SPECC1L: variants seen among roughly 807,000 people sequenced by gnomAD.
SPECC1L encodes cytospin-A.
Under a neutral mutation model 116.8 loss-of-function variants are expected in SPECC1L, and 40 were observed. The ratio of observed to expected loss-of-function variants is 0.34; its 90% CI spans 0.27 to 0.45. The LOEUF (loss-of-function observed/expected upper bound fraction) is 0.45. SPECC1L is among the 20% of genes least tolerant of loss of function. The pLI is 1.00. For synonymous variants in SPECC1L, 504 were observed against 500.6 expected (o/e 1.01, Z -0.09); for missense variants, 1,110 against 1,373.6 (o/e 0.81, Z 3.03).
intron 4 of SPECC1L, among the ~76,000 whole-genome samples, chr22:24,317,178 A>C (rs1446633642): frequency 6.8e-5 from 5 of 74,042 alleles, no homozygotes; most frequent in East Asian, 4.8e-4. Flanking sequence ...CTGGCTGGGC[A>C]GAGGGGCTCC....
chr22:24,381,375 A>G (rs551178909), intron 14 of SPECC1L, among the ~76,000 whole-genome samples: 2 of 152,376 alleles, frequency 1.3e-5, no homozygotes, highest in East Asian at 3.9e-4. Context: ...AAAATATTTT[A>G]GTGCTGCCTG....
chr22:24,320,288 C>CA (rs1423723865), intron 4 of SPECC1L, among the ~76,000 whole-genome samples: 2 of 151,746 alleles, frequency 1.3e-5, no homozygotes, highest in Admixed American at 6.6e-5. Context: ...CAAAAAAAAC[C>CA]AAAAAAACGA....
At chr22:24,404,683 C>G (rs1291168527) in intron 14 of SPECC1L, among the ~76,000 whole-genome samples, 2 of 152,198 alleles carry the variant, frequency 1.3e-5, no homozygotes, top group Non-Finnish European at 2.9e-5. Flanking sequence ...CTGCTCCTGG[C>G]TGTTCTGACC....
intron 14 of SPECC1L, among the ~76,000 whole-genome samples, chr22:24,377,921 A>G (rs1411109503): frequency 2.0e-5 from 3 of 152,236 alleles, no homozygotes; most frequent in Non-Finnish European, 4.4e-5. Flanking sequence ...GTAAATGAGC[A>G]TTGGCTTCCA....
chr22:24,388,295 A>G (rs1451447285), intron 14 of SPECC1L, among the ~76,000 whole-genome samples: 2 of 127,302 alleles, frequency 1.6e-5, no homozygotes, highest in Non-Finnish European at 3.1e-5. Flanking sequence ...ATGTGTTCTC[A>G]TTGTTCAATT....
intron 14 of SPECC1L, among the ~76,000 whole-genome samples, chr22:24,375,970 C>A (rs571561333): frequency 9.8e-4 from 147 of 150,484 alleles, no homozygotes; most frequent in Middle Eastern, 3.4e-3. Context: ...AACAAACAAA[C>A]AAAAAAAACA....
chr22:24,384,024 C>G (rs1203058102), intron 14 of SPECC1L, among the ~76,000 whole-genome samples: 3 of 151,286 alleles, frequency 2.0e-5, no homozygotes, highest in Non-Finnish European at 4.4e-5. Context: ...TTCACAACCA[C>G]TGAACACAGA....
At chr22:24,390,729 T>C (rs1270090423) in intron 14 of SPECC1L, among the ~76,000 whole-genome samples, 1 of 152,122 alleles carries the variant, frequency 6.6e-6, no homozygotes, top group Admixed American at 6.6e-5. Context: ...AATCATTTTC[T>C]GTCCTGATGA....
At chr22:24,403,704 G>A (rs1454385200) in intron 14 of SPECC1L, among the ~76,000 whole-genome samples, 1 of 152,192 alleles carries the variant, frequency 6.6e-6, no homozygotes, top group African/African-American at 2.4e-5. Context: ...CACTGAAAAC[G>A]CCACTTTTAC....
At chr22:24,332,355 G>A (rs1332998861) in intron 8 of SPECC1L, among the ~76,000 whole-genome samples, 3 of 152,176 alleles carry the variant, frequency 2.0e-5, no homozygotes, top group African/African-American at 7.2e-5. Context: ...CTAATTCAGT[G>A]AACCAGTATT....
chr22:24,274,357 C>CTCT (rs2048789495), intron 1 of SPECC1L, among the ~76,000 whole-genome samples: 1 of 152,156 alleles, frequency 6.6e-6, no homozygotes, highest in Non-Finnish European at 1.5e-5. Flanking sequence ...ATTTATAGTG[C>CTCT]TCTTCTATTA....
chr22:24,284,230 T>C (rs2048999261), intron 2 of SPECC1L, among the ~76,000 whole-genome samples: 1 of 152,136 alleles, frequency 6.6e-6, no homozygotes, highest in African/African-American at 2.4e-5. Context: ...TTTACTGCTT[T>C]AAGTTTTTAA....
chr22:24,390,836 T>G (rs1217004283), intron 14 of SPECC1L, among the ~76,000 whole-genome samples: 1 of 146,832 alleles, frequency 6.8e-6, no homozygotes, highest in Non-Finnish European at 1.5e-5. Context: ...TCAGGGCTCT[T>G]CTTGGGCCTG....
At chr22:24,288,800 A>G (rs1393151963) in intron 2 of SPECC1L, among the ~76,000 whole-genome samples, 1 of 151,502 alleles carries the variant, frequency 6.6e-6, no homozygotes, top group East Asian at 1.9e-4. Flanking sequence ...TAATTTTTGT[A>G]CTTTTAGTAG....
At chr22:24,340,347 A>G (rs1231622618) in intron 10 of SPECC1L, among the ~76,000 whole-genome samples, 1 of 151,912 alleles carries the variant, frequency 6.6e-6, no homozygotes, top group Non-Finnish European at 1.5e-5. Context: ...GGTTTTAACC[A>G]CGTTGGCCAA....
chr22:24,272,884 A>G (rs2048757714), intron 1 of SPECC1L, among the ~76,000 whole-genome samples: 1 of 151,850 alleles, frequency 6.6e-6, no homozygotes, highest in African/African-American at 2.4e-5. Flanking sequence ...GACTTTTTTG[A>G]TAGCTGGAGA....
At position 24,321,964 on chromosome 22, in the gene SPECC1L, G is replaced by A; in HGVS notation, c.984G>A (p.Gln328=). The change falls in exon 5 of 17, where the codon CAG becomes CAA. Residue 328 remains glutamine, a synonymous_variant. Transcript: ENST00000314328. ...GCTCAGTGGAGGATCTCTTGAGTCA[G>A]GATGAAAATACACTAATGGACCATC... is the stretch of plus-strand genomic sequence containing the variant. The part of the protein sequence containing the change: ...APGSVEDLLS[Q]DENTLMDHQH... 1 of 1,614,198 alleles carries A rather than the reference G, an allele frequency of 6.2e-7. No homozygotes were observed.
chr22:24,316,687 C>A (rs1433494542), intron 4 of SPECC1L, among the ~76,000 whole-genome samples: 1 of 149,752 alleles, frequency 6.7e-6, no homozygotes. Flanking sequence ...TCTTTCTACA[C>A]AGACACGGCA....
In SPECC1L at chr22:24,405,987, C is replaced by T. The variant is rs145902226; in HGVS notation, c.3088-5601C>T. Among the ~76,000 whole-genome samples, 36 of 152,236 alleles carry T rather than the reference C, an allele frequency of 2.4e-4. No homozygotes were observed. The East Asian group carries it at 7.0e-3, about 29-fold the overall frequency. On this transcript the variant is annotated intron_variant, in intron 14 of 16. Transcript: ENST00000314328. ...CAGGAAGTGTCAAACCTGGCTCAGA[C>T]CCCTGTCCGCAAGCTTCATACTGGT... is the stretch of plus-strand genomic sequence containing the variant.
Sources: gnomAD v4.1 joint callset for allele counts (sites outside exome capture counted in the v4.1 genomes callset) on GRCh38, gnomAD v4.1.1 for gene constraint, MANE v1.5 for transcripts, NCBI Gene and HGNC (gene_info 2026-07-23, HGNC 2026-07-21) for gene names.